The following HDAC9 variants were observed in gnomAD, a reference collection of about 807,000 sequenced individuals.
The protein encoded by HDAC9 is MEF-2 interacting transcription repressor (MITR) protein.
In HDAC9, 41 loss-of-function variants were observed where a neutral mutation model predicts 139.4. That is an observed-to-expected ratio of 0.29 (90% CI 0.23 to 0.38). The LOEUF is 0.38. Ranked by LOEUF, HDAC9 falls within the 10% of genes least tolerant of loss-of-function variation. The probability of loss-of-function intolerance (pLI) is 1.00; values close to 1 mark genes in which losing one functional copy is unlikely to be tolerated. For missense variants in HDAC9, 1,147 were observed against 1,297.0 expected (o/e 0.88, Z 1.78); for synonymous variants, 517 against 476.2 (o/e 1.09, Z -1.12).
intron 23 of HDAC9, chr7:18,949,115 C>T: frequency 6.6e-6 from 2 of 303,734 alleles, no homozygotes; most frequent in Non-Finnish European, 1.3e-5. Context: ...GGATTCTTGA[C>T]CTTTTGGGTC....
chr7:18,953,715 T>G lies in HDAC9; in HGVS notation c.2938-431T>G, dbSNP rs138374924. On this transcript the variant is annotated intron_variant, in intron 23 of 25. Coordinates refer to ENST00000686413, the MANE Select transcript of HDAC9 (RefSeq NM_178425.4). ...TGAAGTGTTCAAATGTATAAGGTGG[T>G]TGGATGTAAAAACACTGTGAAAGTA... Among the ~76,000 whole-genome samples, 571 of 152,186 alleles carry G rather than the reference T, an allele frequency of 3.8e-3. 1 individual carries two copies. Among genetic ancestry groups the G allele is most frequent in the African/African-American group, 0.013 (524 of 41,550 alleles).
intron 22 of HDAC9, among the ~76,000 whole-genome samples, chr7:18,904,709 G>A (rs1802052870): frequency 6.6e-6 from 1 of 150,718 alleles, no homozygotes; most frequent in African/African-American, 2.4e-5. Context: ...CCGAGTAGCT[G>A]GGACTACAGG....
chr7:18,681,210 T>C (rs537060356), intron 12 of HDAC9, among the ~76,000 whole-genome samples: 1 of 152,106 alleles, frequency 6.6e-6, no homozygotes, highest in South Asian at 2.1e-4. Flanking sequence ...AATCTCGAAA[T>C]CTTTCAGTGA....
intron 17 of HDAC9, among the ~76,000 whole-genome samples, chr7:18,813,809 T>C (rs1794366175): frequency 6.6e-6 from 1 of 152,160 alleles, no homozygotes; most frequent in Non-Finnish European, 1.5e-5. Context: ...TTAAAAACTT[T>C]GGGTGAAGTA....
intron 1 of HDAC9, among the ~76,000 whole-genome samples, chr7:18,406,193 T>G (rs1216630136): frequency 6.6e-6 from 1 of 152,190 alleles, no homozygotes; most frequent in Non-Finnish European, 1.5e-5. Flanking sequence ...CGATTCAAAA[T>G]AATATGACTT....
At chr7:18,800,777 G>A (rs188078984) in intron 17 of HDAC9, among the ~76,000 whole-genome samples, 6 of 152,200 alleles carry the variant, frequency 3.9e-5, no homozygotes, top group Admixed American at 3.3e-4. Context: ...AAGCTGCAGT[G>A]AGCCAAGATC....
intron 2 of HDAC9, among the ~76,000 whole-genome samples, chr7:18,566,390 C>T (rs1822359206): frequency 6.6e-6 from 1 of 152,200 alleles, no homozygotes; most frequent in African/African-American, 2.4e-5. Context: ...CTCTCCCTTT[C>T]TTTACATCAG....
chr7:18,261,677 G>A (rs932404808), intron 2 of HDAC9, among the ~76,000 whole-genome samples: 2 of 152,268 alleles, frequency 1.3e-5, no homozygotes, highest in Middle Eastern at 3.4e-3. Flanking sequence ...GGATAGTTAG[G>A]GTTTCATGGA....
At chr7:18,690,083 GA>G (rs1457170490) in intron 12 of HDAC9, among the ~76,000 whole-genome samples, 2 of 151,964 alleles carry the variant, frequency 1.3e-5, no homozygotes, top group African/African-American at 2.4e-5. Context: ...AAAGTTTGTT[GA>G]GCAGTCCCAC....
intron 24 of HDAC9, among the ~76,000 whole-genome samples, chr7:18,965,895 T>G (rs868813332): frequency 1.3e-5 from 2 of 152,156 alleles, no homozygotes; most frequent in Non-Finnish European, 2.9e-5. Flanking sequence ...GGGCGGGACA[T>G]GTGGATGAGG....
intron 1 of HDAC9, among the ~76,000 whole-genome samples, chr7:18,347,319 A>T: frequency 6.6e-6 from 1 of 152,186 alleles, no homozygotes; most frequent in East Asian, 1.9e-4. Flanking sequence ...GCAGCCAAGA[A>T]ATAAAACATG....
intron 22 of HDAC9, among the ~76,000 whole-genome samples, chr7:18,885,102 C>G (rs563311138): frequency 6.6e-5 from 10 of 152,184 alleles, no homozygotes; most frequent in Non-Finnish European, 1.5e-4. Flanking sequence ...AGATGACTTT[C>G]TGCTCGAAAC....
At chr7:18,316,921 G>A (rs1299232211) in intron 1 of HDAC9, among the ~76,000 whole-genome samples, 3 of 151,694 alleles carry the variant, frequency 2.0e-5, no homozygotes, top group Non-Finnish European at 2.9e-5. Flanking sequence ...GTGAAACTCT[G>A]TGTCTACTAA....
intron 22 of HDAC9, among the ~76,000 whole-genome samples, chr7:18,928,756 A>C (rs1308402281): frequency 6.6e-6 from 1 of 152,102 alleles, no homozygotes; most frequent in African/African-American, 2.4e-5. Context: ...ACAAAGGTAG[A>C]ATTGGCTATT....
intron 13 of HDAC9, among the ~76,000 whole-genome samples, chr7:18,728,676 T>C (rs931600306): frequency 1.3e-5 from 2 of 152,166 alleles, no homozygotes; most frequent in African/African-American, 4.8e-5. Context: ...TTAAAATCCA[T>C]TTTCAGGATT....
intron 22 of HDAC9, among the ~76,000 whole-genome samples, chr7:18,917,873 C>T (rs1473375208): frequency 6.6e-6 from 1 of 151,952 alleles, no homozygotes; most frequent in Non-Finnish European, 1.5e-5. Flanking sequence ...CTATTCAGTG[C>T]AGTCATTTTG....
chr7:18,363,602 G>C (rs1896450), intron 1 of HDAC9, among the ~76,000 whole-genome samples: 21,139 of 152,140 alleles, frequency 0.14, 1,769 homozygotes, highest in Admixed American at 0.22. Context: ...GATTCACTAA[G>C]AACCACTAAG....
intron 6 of HDAC9, among the ~76,000 whole-genome samples, chr7:18,601,686 G>T (rs555713632): frequency 6.6e-6 from 1 of 152,250 alleles, no homozygotes; most frequent in East Asian, 1.9e-4. Context: ...ACAAATTAAT[G>T]TTGGGTTTTG....
intron 2 of HDAC9, among the ~76,000 whole-genome samples, chr7:18,249,093 T>C (rs1562792384): frequency 1.3e-5 from 2 of 152,184 alleles, no homozygotes; most frequent in African/African-American, 4.8e-5. Context: ...CCAAAGCTCA[T>C]AAAAAAATCC....
Sources: allele counts gnomAD v4.1 joint callset (sites outside exome capture counted in the v4.1 genomes callset), GRCh38; gene constraint gnomAD v4.1.1; transcripts MANE v1.5; gene names NCBI Gene and HGNC (gene_info 2026-07-23, HGNC 2026-07-21).